Variants in ZNF385D observed in about 807,000 individuals in gnomAD.
ZNF385D encodes zinc finger protein 659.
Under a neutral mutation model 35.8 loss-of-function variants are expected in ZNF385D, and 15 were observed. That is an observed-to-expected ratio of 0.42 (90% confidence interval 0.28 to 0.64). ZNF385D has a LOEUF of 0.64. ZNF385D is among the 30% of genes least tolerant of loss of function. The pLI is 0.23. For missense variants in ZNF385D, 474 were observed against 494.6 expected (o/e 0.96, Z 0.39); for synonymous variants, 212 against 186.8 (o/e 1.13, Z -1.10).
intron 1 of ZNF385D, among the ~76,000 whole-genome samples, chr3:21,704,187 T>G (rs1488280672): frequency 1.3e-5 from 2 of 152,178 alleles, no homozygotes; most frequent in Admixed American, 6.5e-5. Flanking sequence ...ATTTTTGAGG[T>G]GACATTGCCT....
chr3:21,961,889 T>C (rs1702616922), intron 3 of ZNF385D, among the ~76,000 whole-genome samples: 2 of 151,938 alleles, frequency 1.3e-5, no homozygotes, highest in African/African-American at 4.8e-5. Context: ...TTATGAGAAA[T>C]TGAAAGAAAA....
intron 3 of ZNF385D, among the ~76,000 whole-genome samples, chr3:22,099,303 A>G (rs1275979727): frequency 2.0e-5 from 3 of 152,126 alleles, no homozygotes; most frequent in Admixed American, 6.6e-5. Context: ...AGTTGAGTAG[A>G]TAACTTGAGG....
intron 3 of ZNF385D, among the ~76,000 whole-genome samples, chr3:22,092,059 C>T (rs1824973): frequency 0.13 from 19,463 of 152,150 alleles, 1,547 homozygotes; most frequent in Middle Eastern, 0.24. Context: ...AGTTGTTTCA[C>T]TTTTGAATAA....
At position 21,437,124 on chromosome 3, in the gene ZNF385D, G is replaced by T. The variant is rs757089488; in HGVS notation, c.519C>A (p.Ile173=). ...IRKSSVMTTE[I]TSKVEKSPTT... is the part of the protein sequence containing the mutation. ...TTGGGCTTTTTTCCACTTTAGAGGT[G>T]ATCTCAGTTGTCATAACACTGCTTT... Residue 173 remains isoleucine (I), a synonymous_variant, in exon 5 of 8, where the codon ATC becomes ATA. Transcript: ENST00000281523. 3.1e-6 allele frequency: 5 copies of T among 1,613,772 alleles called. No homozygotes were observed. In the South Asian group the frequency reaches 5.5e-5, roughly 18 times the overall value.
At chr3:22,295,519 C>T (rs1702525976) in intron 2 of ZNF385D, among the ~76,000 whole-genome samples, 1 of 151,988 alleles carries the variant, frequency 6.6e-6, no homozygotes, top group Non-Finnish European at 1.5e-5. Flanking sequence ...GTGTATGGCT[C>T]AAATAATCAG....
chr3:22,276,765 G>C (rs1171133282), intron 2 of ZNF385D, among the ~76,000 whole-genome samples: 1 of 152,090 alleles, frequency 6.6e-6, no homozygotes, highest in African/African-American at 2.4e-5. Flanking sequence ...TTATGGATGG[G>C]ACTCCAATGC....
At chr3:21,454,067 G>A (rs1702627755) in intron 4 of ZNF385D, among the ~76,000 whole-genome samples, 1 of 152,008 alleles carries the variant, frequency 6.6e-6, no homozygotes, top group Non-Finnish European at 1.5e-5. Flanking sequence ...AACCTTGAAA[G>A]CACTATGCCA....
At chr3:21,988,636 T>C (rs1391188005) in intron 3 of ZNF385D, among the ~76,000 whole-genome samples, 1 of 151,202 alleles carries the variant, frequency 6.6e-6, no homozygotes, top group Non-Finnish European at 1.5e-5. Context: ...GTCTGTGCCC[T>C]GCCCGCAGAG....
At chr3:21,536,439 T>C (rs558614614) in intron 3 of ZNF385D, among the ~76,000 whole-genome samples, 2 of 152,212 alleles carry the variant, frequency 1.3e-5, no homozygotes, top group Non-Finnish European at 2.9e-5. Flanking sequence ...GTGTGTAGGC[T>C]TCTATGGTTT....
chr3:22,116,077 A>C (rs1038885379), intron 3 of ZNF385D, among the ~76,000 whole-genome samples: 5 of 152,070 alleles, frequency 3.3e-5, no homozygotes, highest in Admixed American at 6.6e-5. Flanking sequence ...TTTGGAAACT[A>C]TCAATATTTA....
At chr3:22,005,688 G>C (rs1205631786) in intron 3 of ZNF385D, among the ~76,000 whole-genome samples, 2 of 152,002 alleles carry the variant, frequency 1.3e-5, no homozygotes, top group African/African-American at 4.8e-5. Flanking sequence ...ATACCCACTT[G>C]AGGAACTGTC....
At chr3:22,279,667 C>A (rs1430404431) in intron 2 of ZNF385D, among the ~76,000 whole-genome samples, 2 of 148,268 alleles carry the variant, frequency 1.3e-5, no homozygotes, top group Non-Finnish European at 3.0e-5. Flanking sequence ...ACACACACCA[C>A]AATTTCTTTA....
chr3:21,898,387 A>G (rs1184425058), intron 3 of ZNF385D, among the ~76,000 whole-genome samples: 2 of 152,110 alleles, frequency 1.3e-5, no homozygotes, highest in Non-Finnish European at 2.9e-5. Context: ...GGAGAGTTTC[A>G]TTTTCATTGC....
At chr3:21,741,105 C>CCG (rs2069493698) in intron 1 of ZNF385D, among the ~76,000 whole-genome samples, 2 of 152,148 alleles carry the variant, frequency 1.3e-5, no homozygotes, top group Admixed American at 1.3e-4. Flanking sequence ...GCAGTGGCCA[C>CCG]ATCACCTGTT....
intron 2 of ZNF385D, among the ~76,000 whole-genome samples, chr3:21,621,955 T>C (rs950036654): frequency 1.4e-4 from 22 of 152,100 alleles, no homozygotes; most frequent in African/African-American, 4.8e-4. Flanking sequence ...TGTATTACTC[T>C]TCTGGATTTT....
chr3:22,011,481 C>G (rs1356053835), intron 3 of ZNF385D, among the ~76,000 whole-genome samples: 1 of 152,014 alleles, frequency 6.6e-6, no homozygotes, highest in African/African-American at 2.4e-5. Context: ...GAGAACAACT[C>G]TTACTATCAT....
At chr3:21,422,007 C>CT (rs1447737839) in intron 7 of ZNF385D, among the ~76,000 whole-genome samples, 16 of 152,156 alleles carry the variant, frequency 1.1e-4, no homozygotes, top group Non-Finnish European at 1.8e-4. Context: ...ACACGTTCCA[C>CT]TTTTTCTTTA....
At chr3:21,701,611 C>A (rs560563393) in intron 1 of ZNF385D, among the ~76,000 whole-genome samples, 1 of 152,160 alleles carries the variant, frequency 6.6e-6, no homozygotes, top group Non-Finnish European at 1.5e-5. Flanking sequence ...CAGCATTAAC[C>A]TAAAAGTCCA....
intron 3 of ZNF385D, among the ~76,000 whole-genome samples, chr3:22,050,460 T>C (rs2125527292): frequency 6.6e-6 from 1 of 152,286 alleles, no homozygotes; most frequent in Non-Finnish European, 1.5e-5. Context: ...AGCTGTAAAA[T>C]CATCAGATCC....
Sources: gnomAD v4.1 joint callset for allele counts (sites outside exome capture counted in the v4.1 genomes callset) on GRCh38, gnomAD v4.1.1 for gene constraint, MANE v1.5 for transcripts, NCBI Gene and HGNC (gene_info 2026-07-23, HGNC 2026-07-21) for gene names.